The following ZFPM2 variants were observed in gnomAD, a reference collection of about 807,000 sequenced individuals.
ZFPM2 encodes zinc finger protein, FOG family member 2.
A neutral mutation model predicts 98.6 loss-of-function variants in ZFPM2; 20 were observed. The observed-to-expected ratio is 0.20, with a 90% CI of 0.14 to 0.29. ZFPM2 has a LOEUF of 0.29. Ranked by LOEUF, ZFPM2 falls within the 10% of genes least tolerant of loss-of-function variation. The pLI is 1.00. For synonymous variants in ZFPM2, 518 were observed against 502.7 expected (o/e 1.03, Z -0.41); for missense variants, 1,310 against 1,388.6 (o/e 0.94, Z 0.90).
chr8:105,395,366 T>A (rs74913871), intron 1 of ZFPM2, among the ~76,000 whole-genome samples: 3,438 of 152,318 alleles, frequency 0.023, 211 homozygotes, highest in East Asian at 0.2. Context: ...TCTTATATTC[T>A]TGTAAATAAG....
chr8:105,727,365 AATAAATAC>A (rs1030689019), intron 5 of ZFPM2, among the ~76,000 whole-genome samples: 2 of 151,680 alleles, frequency 1.3e-5, no homozygotes, highest in African/African-American at 4.8e-5. Context: ...TAAATAAATA[AATAAATAC>A]ATAAATACAT....
At chr8:105,560,703 A>C (rs555873834) in intron 3 of ZFPM2, among the ~76,000 whole-genome samples, 1 of 151,402 alleles carries the variant, frequency 6.6e-6, no homozygotes, top group Admixed American at 6.6e-5. Flanking sequence ...TTTACTTCCT[A>C]TTTCCCTTTA....
chr8:105,506,453 T>A (rs1364978397), intron 3 of ZFPM2, among the ~76,000 whole-genome samples: 1 of 152,186 alleles, frequency 6.6e-6, no homozygotes, highest in East Asian at 1.9e-4. Context: ...ATATAATATT[T>A]TAAAAATTAC....
In ZFPM2 at chr8:105,601,769, G is replaced by A. The variant is rs74533048; in HGVS notation, c.421-32477G>A. Among the ~76,000 whole-genome samples, 894 of 152,182 alleles carry A rather than the reference G, an allele frequency of 5.9e-3. 7 individuals are homozygous for A. Among genetic ancestry groups the A allele is most frequent in the African/African-American group, 0.017 (725 of 41,536 alleles). On this transcript the variant is annotated intron_variant, in intron 4 of 7. Transcript: ENST00000407775. ...AGAGACCTGGGCCACTCTATTTCAT[G>A]GGGGCACGGGCATTAGTTGAAGTAA...
chr8:105,333,780 A>G (rs565994815), intron 1 of ZFPM2, among the ~76,000 whole-genome samples: 85 of 149,906 alleles, frequency 5.7e-4, no homozygotes, highest in African/African-American at 2.0e-3. Context: ...AAATATCTCA[A>G]AGACTCGTAA....
chr8:105,758,823 A>G (rs533539397), intron 5 of ZFPM2, among the ~76,000 whole-genome samples: 2 of 152,238 alleles, frequency 1.3e-5, no homozygotes, highest in South Asian at 4.1e-4. Flanking sequence ...TTGGCATGTT[A>G]TGATATGAAT....
chr8:105,404,013 CAACA>C (rs1360369412), intron 1 of ZFPM2, among the ~76,000 whole-genome samples: 1 of 151,066 alleles, frequency 6.6e-6, no homozygotes, highest in East Asian at 1.9e-4. Flanking sequence ...ACAACAACAA[CAACA>C]ACAACAACAA....
chr8:105,430,283 C>G (rs982405402), intron 2 of ZFPM2, among the ~76,000 whole-genome samples: 1 of 152,182 alleles, frequency 6.6e-6, no homozygotes, highest in African/African-American at 2.4e-5. Flanking sequence ...CTTTGGTCCC[C>G]ACCAAGCCTG....
chr8:105,521,878 A>G (rs539429395), intron 3 of ZFPM2, among the ~76,000 whole-genome samples: 49 of 152,210 alleles, frequency 3.2e-4, no homozygotes, highest in Non-Finnish European at 6.5e-4. Context: ...TGCCCAGCCA[A>G]ATCTTTCAAA....
chr8:105,527,302 C>T (rs577139386), intron 3 of ZFPM2, among the ~76,000 whole-genome samples: 13 of 152,198 alleles, frequency 8.5e-5, no homozygotes, highest in East Asian at 5.8e-4. Flanking sequence ...TTGGCAAGGA[C>T]GACCTGGAAA....
intron 4 of ZFPM2, among the ~76,000 whole-genome samples, chr8:105,580,761 G>A (rs1383000948): frequency 1.3e-5 from 2 of 151,264 alleles, no homozygotes; most frequent in East Asian, 3.9e-4. Context: ...CTGACATAGC[G>A]TGACTAAGAA....
intron 1 of ZFPM2, among the ~76,000 whole-genome samples, chr8:105,366,219 G>A (rs939410528): frequency 1.3e-5 from 2 of 152,036 alleles, no homozygotes; most frequent in Non-Finnish European, 2.9e-5. Flanking sequence ...GGTATTTTAC[G>A]TAATTCAATC....
intron 5 of ZFPM2, among the ~76,000 whole-genome samples, chr8:105,754,454 C>CCTG (rs1474883388): frequency 6.6e-6 from 1 of 151,964 alleles, no homozygotes; most frequent in Non-Finnish European, 1.5e-5. Flanking sequence ...GTCCAGGCTT[C>CCTG]GAAGCTCTGT....
intron 5 of ZFPM2, among the ~76,000 whole-genome samples, chr8:105,655,638 G>A (rs1269719395): frequency 6.6e-6 from 1 of 152,076 alleles, no homozygotes; most frequent in East Asian, 1.9e-4. Context: ...TCATTAAAAC[G>A]CTTTATCATA....
chr8:105,466,192 T>G (rs1812793146), intron 3 of ZFPM2, among the ~76,000 whole-genome samples: 1 of 151,992 alleles, frequency 6.6e-6, no homozygotes, highest in Admixed American at 6.6e-5. Flanking sequence ...ATTTTTATTT[T>G]TATAGGGGGA....
intron 2 of ZFPM2, among the ~76,000 whole-genome samples, chr8:105,440,260 T>A (rs1402341515): frequency 6.6e-6 from 1 of 152,238 alleles, no homozygotes; most frequent in African/African-American, 2.4e-5. Flanking sequence ...ATCTATTTTG[T>A]GATTACTTTC....
In ZFPM2 at chr8:105,801,896, A is replaced by T; in HGVS notation, c.1814A>T (p.Asn605Ile). ...CCCAACACTGGCCAAACCTCCATAA[A>T]CCTTCTCAACCCAGCTGCTCATTCT... ...LSPNTGQTSI[N>I]LLNPAAHSAD... Residue 605 changes from asparagine (N) to isoleucine (I), a missense_variant, in exon 8 of 8, where the codon AAC becomes ATC. By Grantham distance (149) the Asn-to-Ile change is moderately radical. Transcript: ENST00000407775. 6.2e-7 allele frequency: 1 copy of T among 1,613,796 alleles called. No homozygotes were observed. The highest frequency in any genetic ancestry group is 8.5e-7 in the Non-Finnish European group (1 of 1,179,826).
At chr8:105,327,731 G>A (rs896889053) in intron 1 of ZFPM2, among the ~76,000 whole-genome samples, 3 of 151,608 alleles carry the variant, frequency 2.0e-5, no homozygotes, top group Non-Finnish European at 3.0e-5. Flanking sequence ...CACACAATTC[G>A]ATTAAAAGAT....
At chr8:105,799,900 C>T (rs1813949894) in intron 7 of ZFPM2, among the ~76,000 whole-genome samples, 2 of 152,124 alleles carry the variant, frequency 1.3e-5, no homozygotes, top group Non-Finnish European at 1.5e-5. Flanking sequence ...TGCTCTAGTA[C>T]AGTTCAAGCT....
Sources: allele counts gnomAD v4.1 joint callset (sites outside exome capture counted in the v4.1 genomes callset), GRCh38; gene constraint gnomAD v4.1.1; transcripts MANE v1.5; gene names NCBI Gene and HGNC (gene_info 2026-07-23, HGNC 2026-07-21).